NTMT2: variants seen among roughly 807,000 people sequenced by gnomAD.
NTMT2 encodes X-Pro-Lys N-terminal protein methyltransferase 1B.
NTMT2 carries 21 observed loss-of-function variants against 23.4 expected under a neutral mutation model. The observed-to-expected ratio is 0.90, with a 90% CI of 0.64 to 1.29. The LOEUF is 1.29. NTMT2 is among the 50% of genes most tolerant of loss of function. NTMT2 has a pLI of 0.00. For synonymous variants in NTMT2, 131 were observed against 127.7 expected, an observed-to-expected ratio of 1.03 and a Z score of -0.17; for missense variants, 336 against 352.0, an observed-to-expected ratio of 0.95 and a Z score of 0.36.
chr1:170,160,029 A>G lies in NTMT2; in HGVS notation c.155-489A>G, dbSNP rs182833373. On this transcript the variant is annotated intron_variant, in intron 1 of 3. Coordinates refer to ENST00000439373, the MANE Select transcript of NTMT2 (RefSeq NM_001136107.2). ...AATATTGATATGAAGACATATTTGGATATGTGTTGCTTGAAAAAGATATAA... is the reference window on the plus strand; with the variant it reads ...AATATTGATATGAAGACATATTTGGGTATGTGTTGCTTGAAAAAGATATAA... Among the ~76,000 whole-genome samples, 483 of 152,282 alleles carry G rather than the reference A, an allele frequency of 3.2e-3. 4 individuals are homozygous for G. Among genetic ancestry groups the G allele is most frequent in the African/African-American group, 0.011 (458 of 41,564 alleles).
chr1:170,160,903 A>T (rs1348571050), intron 2 of NTMT2, among the ~76,000 whole-genome samples: 1 of 152,230 alleles, frequency 6.6e-6, no homozygotes, highest in African/African-American at 2.4e-5. Context: ...CCCACTTGGC[A>T]TTTCACTGTC....
intron 2 of NTMT2, 98 bp downstream of exon 2, chr1:170,160,791 A>G: frequency 9.2e-7 from 1 of 1,087,536 alleles, no homozygotes; most frequent in South Asian, 2.2e-5. Flanking sequence ...ACTAAGCCAT[A>G]TGACCCAGCC....
intron 1 of NTMT2, among the ~76,000 whole-genome samples, chr1:170,159,819 G>A (rs989741489): frequency 6.6e-6 from 1 of 152,098 alleles, no homozygotes; most frequent in African/African-American, 2.4e-5. Context: ...ACACTTACGT[G>A]TACTCTCATT....
chr1:170,155,944 A>G (rs1673156002), intron 1 of NTMT2, among the ~76,000 whole-genome samples: 1 of 152,052 alleles, frequency 6.6e-6, no homozygotes, highest in African/African-American at 2.4e-5. Context: ...AAGTCATCAA[A>G]TGGTGCATTG....
chr1:170,150,930 A>G (rs1673056528), intron 1 of NTMT2, among the ~76,000 whole-genome samples: 1 of 152,192 alleles, frequency 6.6e-6, no homozygotes, highest in South Asian at 2.1e-4. Flanking sequence ...AGTAACAATC[A>G]TTGAGGAATA....
chr1:170,167,670 G>C lies in NTMT2; in HGVS notation c.765G>C (p.Val255=). The part of the protein sequence containing the change: ...LRSLIRKSGL[V]VLGQEKQDGF... ...GCCTAATAAGGAAGAGTGGGCTGGTGGTGCTGGGCCAGGAGAAGCAGGATG... is the reference window on the plus strand; with the variant it reads ...GCCTAATAAGGAAGAGTGGGCTGGTCGTGCTGGGCCAGGAGAAGCAGGATG... Residue 255 remains valine, a synonymous_variant, in exon 4 of 4, where the codon GTG becomes GTC. Transcript: ENST00000439373. 1 of 1,551,698 alleles carries C rather than the reference G, an allele frequency of 6.4e-7. No homozygotes were observed. Among genetic ancestry groups the C allele is most frequent in the Non-Finnish European group, 8.7e-7 (1 of 1,146,996 alleles).
chr1:170,154,363 TC>T (rs34985294), intron 1 of NTMT2, among the ~76,000 whole-genome samples: 58,459 of 151,728 alleles, frequency 0.39, 13,207 homozygotes, highest in East Asian at 0.7. Flanking sequence ...CAGAAGGGGG[TC>T]AACTGCCTCC....
chr1:170,152,946 G>C (rs1372717010), intron 1 of NTMT2, among the ~76,000 whole-genome samples: 1 of 152,194 alleles, frequency 6.6e-6, no homozygotes, highest in African/African-American at 2.4e-5. Flanking sequence ...TTTGGGTCAT[G>C]AAGATGGATC....
intron 1 of NTMT2, among the ~76,000 whole-genome samples, chr1:170,152,715 C>A (rs1043541584): frequency 8.5e-5 from 13 of 152,174 alleles, no homozygotes; most frequent in African/African-American, 2.4e-4. Flanking sequence ...AAATCCCCCC[C>A]CCACCACCAT....
intron 1 of NTMT2, among the ~76,000 whole-genome samples, chr1:170,150,699 G>T (rs775652088): frequency 6.6e-6 from 1 of 152,124 alleles, no homozygotes; most frequent in Non-Finnish European, 1.5e-5. Context: ...TTCGCTTTCT[G>T]TTGAGATAAT....
At position 170,168,131 on chromosome 1, in the gene NTMT2, G is replaced by GTTTTTTT. The variant is rs11385158; in HGVS notation, c.*378_*384dup. On this transcript the variant is annotated 3_prime_UTR_variant, in exon 4 of 4. Coordinates refer to ENST00000439373, the MANE Select transcript of NTMT2 (RefSeq NM_001136107.2). ...CACAACATCCTAGACAAAAATGGTG[G>GTTTTTTT]TTTTTTTTTTGTTTTTCCATCACAA... is the stretch of plus-strand genomic sequence containing the variant. 6.8e-6 allele frequency among the ~76,000 whole-genome samples: 1 copy of GTTTTTTT among 146,020 alleles called. No individual in the cohort carries two copies.
In NTMT2 at chr1:170,160,796, C is replaced by G. The variant is rs193005588; in HGVS notation, c.330+103C>G. ...TTAAGTCACGACTAAGCCATATGAC[C>G]CAGCCAAGAGTTCTGCCGCCTGCAA... On this transcript the variant is annotated intron_variant, in intron 2 of 3. Coordinates refer to ENST00000439373, the MANE Select transcript of NTMT2 (RefSeq NM_001136107.2). 39 of 1,038,984 alleles carry G rather than the reference C, an allele frequency of 3.8e-5. No individual in the cohort carries two copies. In the South Asian group the frequency reaches 8.1e-4, roughly 22 times the overall value. 64.4% of individuals were successfully genotyped at this position (1,038,984 alleles called of 1,614,324 possible). A position where few individuals can be genotyped will look rare whatever the true frequency, so the allele number is the denominator to read the frequency against.
At chr1:170,159,392 C>G (rs990774556) in intron 1 of NTMT2, among the ~76,000 whole-genome samples, 2 of 132,196 alleles carry the variant, frequency 1.5e-5, no homozygotes, top group Non-Finnish European at 3.2e-5. Flanking sequence ...CCTGGTTGTT[C>G]TCTGGACAGA....
intron 1 of NTMT2, among the ~76,000 whole-genome samples, chr1:170,159,420 G>GTTTTTTTTTTTTTTTTTTT (rs1673225599): frequency 3.4e-5 from 3 of 88,196 alleles, no homozygotes; most frequent in Non-Finnish European, 4.3e-5. Flanking sequence ...TTTATGCTCT[G>GTTTTTTTTTTTTTTTTTTT]GTTTTTTTTT....
At chr1:170,165,929 TAAAG>T (rs1012050176) in intron 2 of NTMT2, among the ~76,000 whole-genome samples, 6 of 151,800 alleles carry the variant, frequency 4.0e-5, no homozygotes, top group African/African-American at 1.2e-4. Flanking sequence ...TTTGGATAAA[TAAAG>T]AAAGCAGGAC....
At chr1:170,155,400 C>G (rs1367842374) in intron 1 of NTMT2, among the ~76,000 whole-genome samples, 1 of 151,856 alleles carries the variant, frequency 6.6e-6, no homozygotes, top group Non-Finnish European at 1.5e-5. Flanking sequence ...CCCTCTCTTC[C>G]CTCCTCTCTT....
chr1:170,166,229 T>A (rs2102243056), intron 2 of NTMT2, among the ~76,000 whole-genome samples: 1 of 147,040 alleles, frequency 6.8e-6, no homozygotes, highest in African/African-American at 2.5e-5. Context: ...AAGCTCCGCT[T>A]CCAGGGTTCA....
At chr1:170,166,810 C>T in intron 3 of NTMT2, 59 bp downstream of exon 3, 1 of 1,532,902 alleles carries the variant, frequency 6.5e-7, no homozygotes, top group Non-Finnish European at 8.8e-7. Flanking sequence ...AGAAGACAGT[C>T]CTTGGGGCTA....
intron 1 of NTMT2, among the ~76,000 whole-genome samples, chr1:170,155,616 C>A (rs1411500878): frequency 6.6e-6 from 1 of 151,882 alleles, no homozygotes; most frequent in African/African-American, 2.4e-5. Flanking sequence ...GCTTACTTGT[C>A]TTCTGAAGAA....
Sources: allele counts gnomAD v4.1 joint callset (sites outside exome capture counted in the v4.1 genomes callset), GRCh38; gene constraint gnomAD v4.1.1; transcripts MANE v1.5; gene names NCBI Gene and HGNC (gene_info 2026-07-23, HGNC 2026-07-21).